Variants in ADGRB1 observed in about 807,000 individuals in gnomAD.
ADGRB1 encodes adhesion G protein-coupled receptor B1, also known as brain-specific angiogenesis inhibitor 1.
Under a neutral mutation model 175.7 loss-of-function variants are expected in ADGRB1, and 36 were observed. The ratio of observed to expected loss-of-function variants is 0.20; its 90% confidence interval spans 0.16 to 0.27. The LOEUF (loss-of-function observed/expected upper bound fraction) is 0.27. Ranked by LOEUF, ADGRB1 falls within the 10% of genes least tolerant of loss-of-function variation. ADGRB1 has a pLI of 1.00. For synonymous variants in ADGRB1, 1,054 were observed against 979.4 expected (o/e 1.08, Z -1.42); for missense variants, 1,731 against 2,255.3 (o/e 0.77, Z 4.71).
chr8:142,524,413 C>A, intron 23 of ADGRB1, 109 bp downstream of exon 23: 1 of 1,228,388 alleles, frequency 8.1e-7, no homozygotes, highest in Non-Finnish European at 1.1e-6. Flanking sequence ...GCTGTCCCTT[C>A]AGGATGGCCC....
In ADGRB1 at chr8:142,464,489, C is replaced by T; in HGVS notation, c.291C>T (p.Gly97=). ...AKAPVPCSGP[G]RVRTYQFDSF... Reference sequence around the variant, plus strand: ...CGCCCGTGCCCTGCAGCGGCCCCGGCCGCGTGCGCACCTACCAGTTCGACT... The same window carrying T: ...CGCCCGTGCCCTGCAGCGGCCCCGGTCGCGTGCGCACCTACCAGTTCGACT... Residue 97 remains glycine, a synonymous_variant, in exon 2 of 31, where the codon GGC becomes GGT. Transcript: ENST00000517894. 1 of 1,581,176 alleles carries T rather than the reference C, an allele frequency of 6.3e-7. No homozygotes were observed.
intron 18 of ADGRB1, among the ~76,000 whole-genome samples, chr8:142,515,817 T>C (rs985105228): frequency 5.3e-5 from 8 of 152,148 alleles, no homozygotes; most frequent in Non-Finnish European, 1.2e-4. Flanking sequence ...GGACCACCAG[T>C]TTGAGGCCTG....
chr8:142,462,943 G>A (rs138025216), intron 1 of ADGRB1, among the ~76,000 whole-genome samples: 189 of 152,326 alleles, frequency 1.2e-3, no homozygotes, highest in African/African-American at 4.4e-3. Flanking sequence ...CTGCTCACCC[G>A]TGGCGCTGTG....
intron 17 of ADGRB1, among the ~76,000 whole-genome samples, chr8:142,502,862 G>T (rs1377847340): frequency 6.6e-6 from 1 of 151,914 alleles, no homozygotes; most frequent in Non-Finnish European, 1.5e-5. Context: ...GTTGGTGGTA[G>T]TGACAGTACT....
Position 142,510,609 on chromosome 8 carries a change from G to A in ADGRB1, c.2676-323G>A, listed in dbSNP as rs1188799820. 6.8e-6 allele frequency among the ~76,000 whole-genome samples: 1 copy of A among 146,428 alleles called. No individual in the cohort carries two copies. The highest frequency in any genetic ancestry group is 2.5e-5 in the African/African-American group (1 of 40,804). ...AGGAGCTGGGGGCGGCGGGGGCGCG[G>A]GGCGGGCGACTGCCGGGCCCCGGGC... On this transcript the variant is annotated intron_variant, in intron 17 of 30. Transcript: ENST00000517894. This position sits in a 1 kb window ranked among gnomAD's most constrained non-coding sequence, Gnocchi z 6.3.
rs116234034 is a variant in ADGRB1, at chr8:142,539,271, G to A, written c.3667-103G>A. 5.1e-4 allele frequency: 633 copies of A among 1,229,600 alleles called. 3 individuals are homozygous for A. In the African/African-American group the frequency reaches 8.3e-3, roughly 16 times the overall value. The allele number at this position is 1,229,600 out of a possible 1,614,324, so 76.2% of individuals were successfully genotyped here. ...CTGTGGACATGGACAGGGGTTCCTC[G>A]GGGCAGCAGGAGCACCGTGGCCCTC... On this transcript the variant is annotated intron_variant, in intron 26 of 30. Coordinates refer to ENST00000517894, the MANE Select transcript of ADGRB1 (RefSeq NM_001702.3).
intron 1 of ADGRB1, among the ~76,000 whole-genome samples, chr8:142,454,586 C>T (rs1009678191): frequency 2.6e-5 from 4 of 152,160 alleles, no homozygotes; most frequent in Non-Finnish European, 4.4e-5. Context: ...GGGAGGCCCC[C>T]GCAGGCAGAG....
At chr8:142,477,085 G>T in intron 4 of ADGRB1, 29 bp from the exon 5 acceptor site, 1 of 1,514,752 alleles carries the variant, frequency 6.6e-7, no homozygotes, top group Non-Finnish European at 8.8e-7. Context: ...ATGGGCGGCA[G>T]GCCTGTGACG....
At chr8:142,519,487 T>C (rs946157505) in intron 19 of ADGRB1, among the ~76,000 whole-genome samples, 1 of 152,116 alleles carries the variant, frequency 6.6e-6, no homozygotes, top group African/African-American at 2.4e-5. Flanking sequence ...GTGATGGTGG[T>C]CCTGGTGGTG....
At chr8:142,527,074 C>G (rs4977009) in intron 24 of ADGRB1, among the ~76,000 whole-genome samples, 94,341 of 152,198 alleles carry the variant, frequency 0.62, 34,724 homozygotes, top group Non-Finnish European at 0.82. Flanking sequence ...GAGGATGGTG[C>G]AGAGGACAGG....
In ADGRB1 at chr8:142,492,897, C is replaced by G. The variant is rs1033614863; in HGVS notation, c.2675+2082C>G. Among the ~76,000 whole-genome samples, 30 of 152,036 alleles carry G rather than the reference C, an allele frequency of 2.0e-4. No individual in the cohort carries two copies. The highest frequency in any genetic ancestry group is 5.9e-5 in the Non-Finnish European group (4 of 68,002). ...ACTTCCACCAGCACAGGCCCCTCCC[C>G]ACAGTGCAGAAACCCTCCATCCGGG... On this transcript the variant is annotated intron_variant, in intron 17 of 30. Transcript: ENST00000517894. This position sits in a 1 kb window ranked among gnomAD's most constrained non-coding sequence, Gnocchi z 4.4.
At chr8:142,486,998 C>G (rs767100487) in intron 13 of ADGRB1, among the ~76,000 whole-genome samples, 1 of 152,196 alleles carries the variant, frequency 6.6e-6, no homozygotes, top group Admixed American at 6.5e-5. Flanking sequence ...TCAGCCTGAG[C>G]AATAGGCTGT....
chr8:142,524,807 G>A (rs1368571273), intron 23 of ADGRB1, among the ~76,000 whole-genome samples: 1 of 152,086 alleles, frequency 6.6e-6, no homozygotes, highest in African/African-American at 2.4e-5. Flanking sequence ...CCTTAGTGTG[G>A]AGGAAGGCAA....
Position 142,492,983 on chromosome 8 carries a change from G to C in ADGRB1, c.2675+2168G>C, listed in dbSNP as rs546415490. Among the ~76,000 whole-genome samples, 3 of 152,172 alleles carry C rather than the reference G, an allele frequency of 2.0e-5. No individual in the cohort carries two copies. The South Asian group carries it at 6.2e-4, about 32-fold the overall frequency. On this transcript the variant is annotated intron_variant, in intron 17 of 30. Transcript: ENST00000517894. The surrounding 1 kb of genome is among the most constrained non-coding windows in gnomAD (Gnocchi z 4.4). ...GCCCTGGTTCACTCAACCAGCCCCT[G>C]CTGGTGGCCTTCAGGAGCCTTCCCT...
At chr8:142,450,753 C>T (rs902177957) in intron 1 of ADGRB1, among the ~76,000 whole-genome samples, 1 of 152,180 alleles carries the variant, frequency 6.6e-6, no homozygotes, top group Non-Finnish European at 1.5e-5. Context: ...AGTGGAGACT[C>T]CCTGGAGGTA....
In ADGRB1 at chr8:142,464,682, C is replaced by G; in HGVS notation, c.484C>G (p.Pro162Ala). 1 of 1,525,964 alleles carries G rather than the reference C, an allele frequency of 6.6e-7. No homozygotes were observed. Among genetic ancestry groups the G allele is most frequent in the Non-Finnish European group, 8.8e-7 (1 of 1,142,280 alleles). The allele number at this position is 1,525,964 out of a possible 1,614,324, so 94.5% of individuals were successfully genotyped here. The change falls in exon 2 of 31, where the codon CCG (proline) becomes GCG (alanine). Residue 162 changes from proline to alanine, a missense_variant. Coordinates refer to ENST00000517894, the MANE Select transcript of ADGRB1 (RefSeq NM_001702.3). The part of the protein sequence containing the change: ...QHDGLRPRAG[P>A]PGPTDDFSVE... Reference sequence around the variant, plus strand: ...CGACGGGCTCCGGCCCCGGGCCGGGCCGCCGGGCCCCACCGACGACTTCTC... The same window carrying G: ...CGACGGGCTCCGGCCCCGGGCCGGGGCGCCGGGCCCCACCGACGACTTCTC...
chr8:142,456,879 C>T (rs1446033234), intron 1 of ADGRB1, among the ~76,000 whole-genome samples: 1 of 152,232 alleles, frequency 6.6e-6, no homozygotes, highest in Non-Finnish European at 1.5e-5. Flanking sequence ...GCCTCCTCCT[C>T]AGGTCCCCAT....
Position 142,464,790 on chromosome 8 carries a change from G to C in ADGRB1, c.592G>C (p.Ala198Pro). 6.5e-7 allele frequency: 1 copy of C among 1,535,100 alleles called. No individual in the cohort carries two copies. Among genetic ancestry groups the C allele is most frequent in the South Asian group, 1.2e-5 (1 of 83,966 alleles). Reference sequence around the variant, plus strand: ...GTGCCGCTGGCTGGACGCGTGTCTGGCCGGTAGTCGCAGCTCGCACCCCTG... The same window carrying C: ...GTGCCGCTGGCTGGACGCGTGTCTGCCCGGTAGTCGCAGCTCGCACCCCTG... ...MLCRWLDACL[A>P]GSRSSHPCGI... Residue 198 changes from alanine (A) to proline (P), a missense_variant, in exon 2 of 31, where the codon GCC becomes CCC. Physicochemically the swap from Ala to Pro is conservative, Grantham distance 27. This residue lies in a region of ADGRB1 where 383 missense variants were observed against 383.1 expected (regional missense o/e 1.00). Transcript: ENST00000517894.
At chr8:142,456,921 C>T (rs999162218) in intron 1 of ADGRB1, among the ~76,000 whole-genome samples, 3 of 152,270 alleles carry the variant, frequency 2.0e-5, no homozygotes, top group African/African-American at 7.2e-5. Flanking sequence ...GCCTGGTGGG[C>T]AGCCCTGCCT....
Sources: allele counts gnomAD v4.1 joint callset (sites outside exome capture counted in the v4.1 genomes callset), GRCh38; gene constraint gnomAD v4.1.1; regional missense constraint gnomAD v4.1.1; non-coding constraint Gnocchi (gnomAD v3.1); transcripts MANE v1.5; gene names NCBI Gene and HGNC (gene_info 2026-07-23, HGNC 2026-07-21).